The following CDH12 variants were observed in gnomAD, a reference collection of about 807,000 sequenced individuals.
CDH12 encodes cadherin-12.
In CDH12, 41 loss-of-function variants were observed where a neutral mutation model predicts 74.1. The ratio of observed to expected loss-of-function variants is 0.55; its 90% CI spans 0.43 to 0.72. CDH12 has a LOEUF of 0.72. Among genes scored for constraint, CDH12 ranks in the 30% least tolerant of loss-of-function variants. CDH12 has a pLI of 0.00. For missense variants in CDH12, 945 were observed against 977.2 expected (o/e 0.97, Z 0.44); for synonymous variants, 399 against 355.0 (o/e 1.12, Z -1.39).
At chr5:22,505,782 G>A (rs770846571) in intron 1 of CDH12, among the ~76,000 whole-genome samples, 4 of 152,046 alleles carry the variant, frequency 2.6e-5, no homozygotes, top group Non-Finnish European at 5.9e-5. Context: ...GACCTTGAAC[G>A]TTTTGAAAAG....
chr5:22,015,580 G>C (rs1318228239), intron 5 of CDH12, among the ~76,000 whole-genome samples: 1 of 152,088 alleles, frequency 6.6e-6, no homozygotes, highest in Non-Finnish European at 1.5e-5. Flanking sequence ...CATGGTTCAA[G>C]GCCCATGTTC....
At chr5:21,895,140 A>G (rs1304207005) in intron 6 of CDH12, among the ~76,000 whole-genome samples, 3 of 152,166 alleles carry the variant, frequency 2.0e-5, no homozygotes, top group Non-Finnish European at 4.4e-5. Flanking sequence ...AGTAGCCTAT[A>G]GCACAGAGAA....
intron 3 of CDH12, among the ~76,000 whole-genome samples, chr5:22,298,991 C>G (rs1005089386): frequency 1.3e-5 from 2 of 152,126 alleles, no homozygotes; most frequent in Admixed American, 1.3e-4. Context: ...AATCTAGACA[C>G]TGTTTTTAGA....
intron 3 of CDH12, among the ~76,000 whole-genome samples, chr5:22,353,288 T>C (rs2150466242): frequency 6.6e-6 from 1 of 152,304 alleles, no homozygotes; most frequent in East Asian, 1.9e-4. Context: ...ACACAAATAT[T>C]TTCTACATAA....
At chr5:22,395,759 T>C (rs989792432) in intron 3 of CDH12, among the ~76,000 whole-genome samples, 3 of 152,076 alleles carry the variant, frequency 2.0e-5, no homozygotes, top group African/African-American at 7.2e-5. Flanking sequence ...TGATATTTAG[T>C]GATATGGAGC....
chr5:22,045,602 C>CAAAAAAAAAAA (rs34753862), intron 5 of CDH12, among the ~76,000 whole-genome samples: 1 of 112,926 alleles, frequency 8.9e-6, no homozygotes, highest in Non-Finnish European at 2.0e-5. Flanking sequence ...ACTATTCAGC[C>CAAAAAAAAAAA]AAAAAAAAAA....
intron 1 of CDH12, among the ~76,000 whole-genome samples, chr5:22,821,170 GACAA>G (rs1476256936): frequency 6.6e-6 from 1 of 152,090 alleles, no homozygotes; most frequent in Non-Finnish European, 1.5e-5. Context: ...AAAGGCCTTT[GACAA>G]AATTCAACAA....
intron 4 of CDH12, among the ~76,000 whole-genome samples, chr5:22,175,653 C>T (rs1195861181): frequency 2.0e-5 from 3 of 151,986 alleles, no homozygotes; most frequent in Non-Finnish European, 2.9e-5. Context: ...TGGGACATGC[C>T]TGTAAAAGGA....
At chr5:22,045,453 G>A (rs920207187) in intron 5 of CDH12, among the ~76,000 whole-genome samples, 29 of 151,998 alleles carry the variant, frequency 1.9e-4, no homozygotes, top group African/African-American at 6.5e-4. Context: ...CCAAAGAAAA[G>A]GAAATCAGTA....
chr5:22,762,036 G>C (rs1203275487), intron 1 of CDH12, among the ~76,000 whole-genome samples: 2 of 151,832 alleles, frequency 1.3e-5, no homozygotes, highest in African/African-American at 4.8e-5. Flanking sequence ...GTTTCCCAGA[G>C]AGAAAAAAAT....
At chr5:21,894,382 GAAAAAAAAA>G (rs376989106) in intron 6 of CDH12, among the ~76,000 whole-genome samples, 3 of 73,440 alleles carry the variant, frequency 4.1e-5, no homozygotes, top group Non-Finnish European at 8.7e-5. Context: ...CCGTCTCAAA[GAAAAAAAAA>G]AAAAAAAAAA....
intron 1 of CDH12, among the ~76,000 whole-genome samples, chr5:22,595,190 G>A (rs535424586): frequency 6.6e-6 from 1 of 152,050 alleles, no homozygotes; most frequent in Non-Finnish European, 1.5e-5. Flanking sequence ...TATGGTGTTG[G>A]TTCTCTCTGA....
chr5:22,561,933 ATCT>A (rs532169310), intron 1 of CDH12, among the ~76,000 whole-genome samples: 4 of 152,222 alleles, frequency 2.6e-5, no homozygotes, highest in Non-Finnish European at 5.9e-5. Context: ...GCATGGATTA[ATCT>A]TCTTATTGAA....
intron 9 of CDH12, among the ~76,000 whole-genome samples, chr5:21,811,196 A>G (rs1747726540): frequency 6.6e-6 from 1 of 152,106 alleles, no homozygotes; most frequent in African/African-American, 2.4e-5. Context: ...AATTCCAAAA[A>G]AGGTTTACTT....
Position 21,831,013 on chromosome 5 carries a change from G to A in CDH12, c.814+11148C>T, listed in dbSNP as rs148378503. On this transcript the variant is annotated intron_variant, in intron 8 of 14. Transcript: ENST00000382254. ...AGATGGCACCACTGCACTCCAAGCC[G>A]GGGCGACAGAGAAAGACTCTGTCTC... is the stretch of plus-strand genomic sequence containing the variant. 2.9e-3 allele frequency among the ~76,000 whole-genome samples: 440 copies of A among 151,882 alleles called. 4 individuals carry two copies. The highest frequency in any genetic ancestry group is 7.8e-3 in the African/African-American group (324 of 41,450).
chr5:22,244,809 A>G (rs935519018), intron 3 of CDH12, among the ~76,000 whole-genome samples: 3 of 151,314 alleles, frequency 2.0e-5, no homozygotes, highest in African/African-American at 7.3e-5. Context: ...AGAAAAATTC[A>G]AAGTAGGAGT....
chr5:22,750,591 T>G (rs935851621), intron 1 of CDH12, among the ~76,000 whole-genome samples: 1 of 152,150 alleles, frequency 6.6e-6, no homozygotes, highest in Non-Finnish European at 1.5e-5. Flanking sequence ...AGAGATATTC[T>G]GAGTCAAAAC....
intron 4 of CDH12, among the ~76,000 whole-genome samples, chr5:22,196,703 G>A (rs1472526968): frequency 6.6e-5 from 10 of 152,136 alleles, no homozygotes; most frequent in Non-Finnish European, 1.2e-4. Flanking sequence ...AACTTCTGAG[G>A]TGTCCTCAGG....
intron 4 of CDH12, among the ~76,000 whole-genome samples, chr5:22,189,836 G>T: frequency 1.2e-5 from 1 of 82,426 alleles, no homozygotes; most frequent in African/African-American, 4.1e-5. Flanking sequence ...TGCCTCAGAA[G>T]CATTACCACA....
Sources: gnomAD v4.1 joint callset for allele counts (sites outside exome capture counted in the v4.1 genomes callset) on GRCh38, gnomAD v4.1.1 for gene constraint, MANE v1.5 for transcripts, NCBI Gene and HGNC (gene_info 2026-07-23, HGNC 2026-07-21) for gene names.